NR5A2: variants seen among roughly 807,000 people sequenced by gnomAD.
The protein encoded by NR5A2 is nuclear receptor subfamily 5 group A member 2, also known as CYP7A promoter-binding factor.
Under a neutral mutation model 62.7 loss-of-function variants are expected in NR5A2, and 26 were observed. That is an observed-to-expected ratio of 0.41 (90% CI 0.30 to 0.58). NR5A2 has a LOEUF of 0.58. NR5A2 is among the 20% of genes least tolerant of loss of function. NR5A2 has a pLI of 0.22. For synonymous variants in NR5A2, 246 were observed against 241.7 expected, an observed-to-expected ratio of 1.02 and a Z score of -0.16; for missense variants, 541 against 669.1, an observed-to-expected ratio of 0.81 and a Z score of 2.11.
intron 2 of NR5A2, among the ~76,000 whole-genome samples, chr1:200,043,558 T>C (rs1399676016): frequency 6.6e-6 from 1 of 152,230 alleles, no homozygotes; most frequent in Non-Finnish European, 1.5e-5. Context: ...TGGAATTGTT[T>C]GTGGCACATG....
intron 7 of NR5A2, among the ~76,000 whole-genome samples, chr1:200,166,144 T>C (rs942577697): frequency 6.6e-6 from 1 of 152,186 alleles, no homozygotes; most frequent in Admixed American, 6.5e-5. Context: ...ACCATTCCCT[T>C]TGAACATTGG....
intron 7 of NR5A2, among the ~76,000 whole-genome samples, chr1:200,134,591 G>A (rs1395021805): frequency 6.6e-6 from 1 of 152,102 alleles, no homozygotes; most frequent in East Asian, 1.9e-4. Flanking sequence ...ACCTATCAGT[G>A]CACTTCTCAG....
intron 5 of NR5A2, among the ~76,000 whole-genome samples, chr1:200,081,062 A>G (rs1299040708): frequency 6.6e-6 from 1 of 152,220 alleles, no homozygotes; most frequent in Admixed American, 6.5e-5. Flanking sequence ...TAGAGGAAAG[A>G]TTCAGAATCA....
intron 5 of NR5A2, among the ~76,000 whole-genome samples, chr1:200,060,533 G>T (rs549622022): frequency 6.6e-6 from 1 of 152,280 alleles, no homozygotes; most frequent in African/African-American, 2.4e-5. Context: ...AGCAAGGTGA[G>T]TATGCATGGA....
At position 200,120,945 on chromosome 1, in the gene NR5A2, C is replaced by T; in HGVS notation, c.1368C>T (p.Leu456=). ...REFVCLKFLV[L]FSLDVKNLEN... is the part of the protein sequence containing the mutation. ...TCGTATGTCTGAAATTCTTGGTGCTCTTTAGTTTAGGTAAGAAATCCTTTT... is the reference window on the plus strand; with the variant it reads ...TCGTATGTCTGAAATTCTTGGTGCTTTTTAGTTTAGGTAAGAAATCCTTTT... The change falls in exon 7 of 8, where the codon CTC becomes CTT. Residue 456 remains leucine (L), a synonymous_variant. Transcript: ENST00000367362. 1 of 1,613,796 alleles carries T rather than the reference C, an allele frequency of 6.2e-7. No individual in the cohort carries two copies. Among genetic ancestry groups the T allele is most frequent in the South Asian group, 1.1e-5 (1 of 91,022 alleles).
intron 2 of NR5A2, 46 bp from the exon 3 acceptor site, chr1:200,043,728 A>G (rs747665709): frequency 2.5e-6 from 3 of 1,223,580 alleles, no homozygotes; most frequent in South Asian, 1.3e-5. Context: ...TAACACCTAC[A>G]TGTAAATTAA....
chr1:200,141,870 T>A (rs1412841181), intron 7 of NR5A2, among the ~76,000 whole-genome samples: 1 of 152,182 alleles, frequency 6.6e-6, no homozygotes, highest in Non-Finnish European at 1.5e-5. Context: ...TTTTTAAGGT[T>A]TTTCTTTATT....
chr1:200,122,112 A>G (rs1296734715), intron 7 of NR5A2, among the ~76,000 whole-genome samples: 1 of 152,224 alleles, frequency 6.6e-6, no homozygotes, highest in Non-Finnish European at 1.5e-5. Context: ...GGACAACAGA[A>G]TTTCATGGAT....
rs1661936476 is a variant in NR5A2, at chr1:200,039,324, C to T, written c.65-334C>T. On this transcript the variant is annotated intron_variant, in intron 1 of 7. Transcript: ENST00000367362. This position sits in a 1 kb window ranked among gnomAD's most constrained non-coding sequence, Gnocchi z 5.1. ...AGCCGGGGCGGCAATAGCAGCCCCG[C>T]GGTCGCCTCCGCTGCCCGCCGGGAG... 6.6e-6 allele frequency among the ~76,000 whole-genome samples: 1 copy of T among 152,006 alleles called. No individual in the cohort carries two copies. Among genetic ancestry groups the T allele is most frequent in the South Asian group, 2.1e-4 (1 of 4,824 alleles).
At chr1:200,121,107 T>C in intron 7 of NR5A2, 152 bp downstream of exon 7, 1 of 811,662 alleles carries the variant, frequency 1.2e-6, no homozygotes, top group Non-Finnish European at 1.9e-6. Flanking sequence ...TATATTTTCA[T>C]ATATATTTCT....
chr1:200,069,368 C>A (rs1014955354), intron 5 of NR5A2, among the ~76,000 whole-genome samples: 2 of 151,926 alleles, frequency 1.3e-5, no homozygotes, highest in African/African-American at 4.8e-5. Context: ...TCAAGCAATT[C>A]TCCTGCCTCA....
At chr1:200,037,910 A>G (rs1661853159) in intron 1 of NR5A2, among the ~76,000 whole-genome samples, 1 of 152,236 alleles carries the variant, frequency 6.6e-6, no homozygotes, top group Non-Finnish European at 1.5e-5. Context: ...AATAATTTCC[A>G]AGTCACCAAA....
intron 5 of NR5A2, among the ~76,000 whole-genome samples, chr1:200,089,423 C>G (rs1200251576): frequency 6.6e-6 from 1 of 152,102 alleles, no homozygotes; most frequent in Non-Finnish European, 1.5e-5. Flanking sequence ...TCCCAAAATG[C>G]TGGGATTACA....
intron 1 of NR5A2, among the ~76,000 whole-genome samples, chr1:200,034,653 T>C (rs1324503305): frequency 6.6e-6 from 1 of 151,830 alleles, no homozygotes; most frequent in Non-Finnish European, 1.5e-5. Flanking sequence ...CGGCTTTCGT[T>C]TTCCTCCGCG....
chr1:200,126,942 A>T (rs563303321), intron 7 of NR5A2, among the ~76,000 whole-genome samples: 1 of 152,232 alleles, frequency 6.6e-6, no homozygotes, highest in Non-Finnish European at 1.5e-5. Context: ...TGTAACACTA[A>T]CAGTGTCAAA....
At chr1:200,084,106 A>ATT in intron 5 of NR5A2, among the ~76,000 whole-genome samples, 1 of 152,174 alleles carries the variant, frequency 6.6e-6, no homozygotes, top group East Asian at 1.9e-4. Flanking sequence ...GCCAGGTAAC[A>ATT]TTATAGGACT....
intron 2 of NR5A2, among the ~76,000 whole-genome samples, chr1:200,040,366 T>C (rs1662006924): frequency 6.6e-6 from 1 of 152,156 alleles, no homozygotes; most frequent in Non-Finnish European, 1.5e-5. Context: ...GGGAACAAGT[T>C]ACCCCAACCC....
At chr1:200,079,424 G>A (rs1253664462) in intron 5 of NR5A2, among the ~76,000 whole-genome samples, 1 of 152,216 alleles carries the variant, frequency 6.6e-6, no homozygotes, top group Non-Finnish European at 1.5e-5. Flanking sequence ...AACAGGGGAA[G>A]GGAGTAAAAT....
chr1:200,174,186 A>G lies in NR5A2; in HGVS notation c.1602A>G (p.Glu534=). ...TGCCCTATAATAACCTTCTCATTGA[A>G]ATGTTGCATGCCAAAAGAGCATAAG... ...GDVPYNNLLI[E]MLHAKRA is the part of the protein sequence containing the mutation. The change falls in exon 8 of 8, where the codon GAA becomes GAG. Residue 534 remains glutamate, a synonymous_variant. Transcript: ENST00000367362. 1 of 1,604,618 alleles carries G rather than the reference A, an allele frequency of 6.2e-7. No homozygotes were observed. The highest frequency in any genetic ancestry group is 1.1e-5 in the South Asian group (1 of 89,616).
Sources: gnomAD v4.1 joint callset for allele counts (sites outside exome capture counted in the v4.1 genomes callset) on GRCh38, gnomAD v4.1.1 for gene constraint, Gnocchi (gnomAD v3.1) non-coding constraint, MANE v1.5 for transcripts, NCBI Gene and HGNC (gene_info 2026-07-23, HGNC 2026-07-21) for gene names.